NKAIN3: variants seen among roughly 807,000 people sequenced by gnomAD.
NKAIN3 encodes sodium/potassium transporting ATPase interacting 3.
In NKAIN3, 25 loss-of-function variants were observed where a neutral mutation model predicts 30.2. The observed-to-expected ratio is 0.83, with a 90% CI of 0.60 to 1.16. The LOEUF (loss-of-function observed/expected upper bound fraction) is 1.16, where lower values mean the gene tolerates loss of function less well. Ranked by LOEUF, NKAIN3 falls within the 50% of genes most tolerant of loss-of-function variation. The probability of loss-of-function intolerance (pLI) is 0.00; values close to 1 mark genes in which losing one functional copy is unlikely to be tolerated. For missense variants in NKAIN3, 225 were observed against 254.1 expected (o/e 0.89, Z 0.78); for synonymous variants, 91 against 89.6 (o/e 1.02, Z -0.09).
chr8:62,276,904 G>A (rs1048877605), intron 1 of NKAIN3, among the ~76,000 whole-genome samples: 1 of 152,158 alleles, frequency 6.6e-6, no homozygotes, highest in African/African-American at 2.4e-5. Flanking sequence ...TGAATAAAAT[G>A]CATGTTTTAA....
At chr8:62,886,022 C>T (rs1373561150) in intron 4 of NKAIN3, among the ~76,000 whole-genome samples, 1 of 152,118 alleles carries the variant, frequency 6.6e-6, no homozygotes, top group Non-Finnish European at 1.5e-5. Context: ...CTACCATATT[C>T]ATTGCTGTTT....
rs2130370931 is a variant in NKAIN3, at chr8:62,665,265, T to C, written c.273+75471T>C. Among the ~76,000 whole-genome samples, 3 of 152,310 alleles carry C rather than the reference T, an allele frequency of 2.0e-5. No individual in the cohort carries two copies. The East Asian group carries it at 5.8e-4, about 29-fold the overall frequency. ...CTTTAATGTTCTAAGAGACTCTTGG[T>C]CAAATTTCCCTTCTATCAGTCTGAA... On this transcript the variant is annotated intron_variant, in intron 3 of 6. Coordinates refer to ENST00000623646, the MANE Select transcript of NKAIN3 (RefSeq NM_001304533.3).
rs984243030 is a variant in NKAIN3, at chr8:62,555,057, T to C, written c.55-24482T>C. On this transcript the variant is annotated intron_variant, in intron 1 of 6. Transcript: ENST00000623646. Reference sequence around the variant, plus strand: ...ACACACACACACACACACACACACATGCCTAGCTATGTGAGAAGATGGATA... The same window carrying C: ...ACACACACACACACACACACACACACGCCTAGCTATGTGAGAAGATGGATA... Among the ~76,000 whole-genome samples the C allele has an allele frequency of 9.2e-4, 106 of 115,334 alleles. 1 individual carries two copies. In the East Asian group the frequency reaches 0.014, roughly 15 times the overall value. 75.7% of individuals were successfully genotyped at this position (115,334 alleles called of 152,430 possible).
intron 1 of NKAIN3, among the ~76,000 whole-genome samples, chr8:62,525,811 A>T (rs377653867): frequency 2.0e-5 from 3 of 152,282 alleles, no homozygotes; most frequent in South Asian, 2.1e-4. Flanking sequence ...AAACTTTTAT[A>T]GGTGTTTGTA....
At chr8:62,470,111 A>G (rs1388982963) in intron 1 of NKAIN3, among the ~76,000 whole-genome samples, 2 of 152,164 alleles carry the variant, frequency 1.3e-5, no homozygotes, top group African/African-American at 2.4e-5. Flanking sequence ...ACTGAGCAAT[A>G]TTGTTTTATT....
chr8:62,775,626 A>T (rs1336096545), intron 4 of NKAIN3, among the ~76,000 whole-genome samples: 1 of 152,000 alleles, frequency 6.6e-6, no homozygotes, highest in African/African-American at 2.4e-5. Flanking sequence ...TGATTCAAGA[A>T]TTTAAATTTT....
At chr8:62,986,937 T>C (rs4739033), downstream of NKAIN3, among the ~76,000 whole-genome samples, 37,667 of 152,138 alleles carry the variant, frequency 0.25, 5,392 homozygotes, top group African/African-American at 0.39. Flanking sequence ...CAACGTGTTT[T>C]TTTCTTGCTC....
At chr8:62,266,575 T>C (rs1812609344) in intron 1 of NKAIN3, among the ~76,000 whole-genome samples, 2 of 152,306 alleles carry the variant, frequency 1.3e-5, no homozygotes, top group South Asian at 4.1e-4. Flanking sequence ...TTGTAACATA[T>C]GTCTCATGTA....
chr8:62,754,362 GCACA>G lies in NKAIN3; in HGVS notation c.471+7254_471+7257del, dbSNP rs35621967. On this transcript the variant is annotated intron_variant, in intron 4 of 6. Transcript: ENST00000623646. ...GATTCATATGCTCATGTTGATTAGT[GCACA>G]CACACACACACACACACACATGCAC... 6.7e-3 allele frequency among the ~76,000 whole-genome samples: 1,007 copies of G among 149,500 alleles called. 3 individuals carry two copies. Among genetic ancestry groups the G allele is most frequent in the African/African-American group, 0.023 (937 of 40,826 alleles).
At chr8:62,545,441 C>T (rs1382144904) in intron 1 of NKAIN3, among the ~76,000 whole-genome samples, 1 of 152,060 alleles carries the variant, frequency 6.6e-6, no homozygotes, top group Non-Finnish European at 1.5e-5. Context: ...CAAAAATTAG[C>T]AGGGTGTGTC....
At chr8:62,791,557 A>G (rs1241249671) in intron 4 of NKAIN3, among the ~76,000 whole-genome samples, 1 of 152,102 alleles carries the variant, frequency 6.6e-6, no homozygotes, top group East Asian at 1.9e-4. Flanking sequence ...AAAACTGAAA[A>G]CATTCTTCAA....
intron 3 of NKAIN3, among the ~76,000 whole-genome samples, chr8:62,707,918 G>A (rs1254091768): frequency 1.3e-5 from 2 of 152,084 alleles, no homozygotes; most frequent in African/African-American, 4.8e-5. Context: ...TGAGAAATGA[G>A]GATTCAGATT....
At chr8:62,316,419 A>AT (rs1160367987) in intron 1 of NKAIN3, among the ~76,000 whole-genome samples, 1 of 146,848 alleles carries the variant, frequency 6.8e-6, no homozygotes, top group African/African-American at 2.5e-5. Flanking sequence ...TCCTAATGCT[A>AT]TCCCCCCCCT....
intron 3 of NKAIN3, among the ~76,000 whole-genome samples, chr8:62,620,207 C>T (rs897508407): frequency 6.6e-6 from 1 of 152,088 alleles, no homozygotes; most frequent in Non-Finnish European, 1.5e-5. Flanking sequence ...TCCTTTCAGT[C>T]GTCTCTGTGT....
chr8:62,808,711 A>AC (rs1179311501), intron 4 of NKAIN3, among the ~76,000 whole-genome samples: 4 of 152,160 alleles, frequency 2.6e-5, no homozygotes, highest in Non-Finnish European at 4.4e-5. Context: ...CACATGCTTC[A>AC]CAAGGCAATA....
chr8:62,605,641 C>A (rs1207905927), intron 3 of NKAIN3, among the ~76,000 whole-genome samples: 1 of 151,810 alleles, frequency 6.6e-6, no homozygotes, highest in Non-Finnish European at 1.5e-5. Context: ...AAAAATAATA[C>A]CAAATTTAAA....
At chr8:62,312,885 T>C (rs1161182492) in intron 1 of NKAIN3, among the ~76,000 whole-genome samples, 1 of 151,734 alleles carries the variant, frequency 6.6e-6, no homozygotes, top group African/African-American at 2.4e-5. Context: ...ATTGCAAGGC[T>C]TATGGTCCCC....
chr8:62,951,992 G>A (rs1416657256), intron 5 of NKAIN3, among the ~76,000 whole-genome samples: 1 of 151,790 alleles, frequency 6.6e-6, no homozygotes, highest in Non-Finnish European at 1.5e-5. Flanking sequence ...TAGGGACAGG[G>A]TTTCACCATG....
At chr8:62,871,635 C>G (rs918253148) in intron 4 of NKAIN3, among the ~76,000 whole-genome samples, 2 of 152,224 alleles carry the variant, frequency 1.3e-5, no homozygotes, top group African/African-American at 4.8e-5. Flanking sequence ...ATGGGATGCC[C>G]TTCTGGGGGC....
Sources: allele counts gnomAD v4.1 joint callset (sites outside exome capture counted in the v4.1 genomes callset), GRCh38; gene constraint gnomAD v4.1.1; transcripts MANE v1.5; gene names NCBI Gene and HGNC (gene_info 2026-07-23, HGNC 2026-07-21).